Variants in CCT6B observed in about 807,000 individuals in gnomAD.
The protein encoded by CCT6B is probable T-complex protein 1 subunit zeta-2.
A neutral mutation model predicts 61.5 loss-of-function variants in CCT6B; 49 were observed. The observed-to-expected ratio is 0.80, with a 90% CI of 0.63 to 1.01. The LOEUF (loss-of-function observed/expected upper bound fraction) is 1.01. CCT6B is among the 50% of genes least tolerant of loss of function. The pLI, the probability that CCT6B is intolerant of heterozygous loss-of-function variation, is 0.00. For synonymous variants in CCT6B, 228 were observed against 214.5 expected, an observed-to-expected ratio of 1.06 and a Z score of -0.55; for missense variants, 666 against 634.7, an observed-to-expected ratio of 1.05 and a Z score of -0.53.
At chr17:34,934,115 C>T (rs552206539) in intron 10 of CCT6B, among the ~76,000 whole-genome samples, 1 of 135,390 alleles carries the variant, frequency 7.4e-6, no homozygotes, top group Non-Finnish European at 1.5e-5. Flanking sequence ...GGTGACAGAT[C>T]GAGACTCTGT....
At chr17:34,960,703 C>T (rs999150849) in intron 1 of CCT6B, among the ~76,000 whole-genome samples, 2 of 152,182 alleles carry the variant, frequency 1.3e-5, no homozygotes, top group African/African-American at 2.4e-5. Context: ...TGTGTCTCTC[C>T]TCTTATACCC....
intron 5 of CCT6B, among the ~76,000 whole-genome samples, chr17:34,948,220 C>A (rs182427420): frequency 2.0e-5 from 3 of 152,062 alleles, no homozygotes; most frequent in African/African-American, 7.2e-5. Flanking sequence ...CCCCCGGGGT[C>A]CCCAAAGTCC....
intron 3 of CCT6B, among the ~76,000 whole-genome samples, chr17:34,954,847 G>A (rs2090331372): frequency 6.6e-6 from 1 of 152,144 alleles, no homozygotes; most frequent in South Asian, 2.1e-4. Context: ...TGACTACATT[G>A]TTGTTATGTG....
At position 34,929,032 on chromosome 17, in the gene CCT6B, C is replaced by T. The variant is rs571314922; in HGVS notation, c.1453G>A (p.Glu485Lys). The change falls in exon 13 of 14, where the codon GAG becomes AAG. Residue 485 changes from glutamate to lysine, a missense_variant and splice_region_variant. Physicochemically the swap from Glu to Lys is moderately conservative, Grantham distance 56 (BLOSUM62 1). Coordinates refer to ENST00000314144, the MANE Select transcript of CCT6B (RefSeq NM_006584.4). ...CCTGCATCTGCTGCTACCATTGGCT[C>T]ACCTGAAAAGTAAAAACAATTTTCA... ...QLVGVDLNTG[E>K]PMVAADAGVW... 6.2e-6 allele frequency: 10 copies of T among 1,601,770 alleles called. No individual in the cohort carries two copies. The South Asian group carries it at 1.0e-4, about 16-fold the overall frequency.
At position 34,936,903 on chromosome 17, in the gene CCT6B, C is replaced by T. The variant is rs1238313005; in HGVS notation, c.1213+2280G>A. Reference sequence around the variant, plus strand: ...TGTAATGGCTCACACCTGTAATCCACGCACTTTGGGAGGCCAAGGCGGGAG... The same window carrying T: ...TGTAATGGCTCACACCTGTAATCCATGCACTTTGGGAGGCCAAGGCGGGAG... On this transcript the variant is annotated intron_variant, in intron 10 of 13. Coordinates refer to ENST00000314144, the MANE Select transcript of CCT6B (RefSeq NM_006584.4). 2.6e-5 allele frequency among the ~76,000 whole-genome samples: 4 copies of T among 152,008 alleles called. No homozygotes were observed. The South Asian group carries it at 6.2e-4, about 24-fold the overall frequency.
Position 34,931,051 on chromosome 17 carries a change from C to A in CCT6B, c.1348G>T (p.Val450Phe), listed in dbSNP as rs770681410. The change falls in exon 12 of 14, where the codon GTT (valine) becomes TTT (phenylalanine). Residue 450 changes from valine to phenylalanine, a missense_variant and splice_region_variant. By Grantham distance (50) the Val-to-Phe change is conservative (BLOSUM62 -1). Transcript: ENST00000314144. ...FADALLIIPK[V>F]LAQNAGYDPQ... ...TCATAACCAGCATTCTGAGCAAGAA[C>A]CTTTAGGAATAAAAATAATAATATA... The A allele has an allele frequency of 1.1e-5, 16 of 1,400,990 alleles. No individual in the cohort carries two copies. The East Asian group carries it at 2.6e-4, about 23-fold the overall frequency. The allele number at this position is 1,400,990 out of a possible 1,614,324, so 86.8% of individuals were successfully genotyped here.
At chr17:34,947,906 A>G (rs577056942) in intron 5 of CCT6B, among the ~76,000 whole-genome samples, 2 of 151,482 alleles carry the variant, frequency 1.3e-5, no homozygotes, top group South Asian at 4.2e-4. Flanking sequence ...GAACCTGGCA[A>G]GCGGAAGTTG....
At chr17:34,947,009 T>C (rs1045858191) in intron 5 of CCT6B, among the ~76,000 whole-genome samples, 2 of 152,212 alleles carry the variant, frequency 1.3e-5, no homozygotes, top group South Asian at 4.1e-4. Flanking sequence ...ATAGTTGCAT[T>C]TTTCAGTGTG....
intron 5 of CCT6B, among the ~76,000 whole-genome samples, chr17:34,951,379 T>G (rs144843445): frequency 6.6e-6 from 1 of 152,264 alleles, no homozygotes; most frequent in African/African-American, 2.4e-5. Context: ...GGGAAGGGTA[T>G]GCTTCATATG....
chr17:34,948,878 T>A (rs905668295), intron 5 of CCT6B, among the ~76,000 whole-genome samples: 2 of 150,256 alleles, frequency 1.3e-5, no homozygotes, highest in African/African-American at 2.5e-5. Context: ...ACAAAAAAAA[T>A]ATAAAAATTA....
chr17:34,961,311 C>T lies in CCT6B; in HGVS notation c.83G>A (p.Arg28Gln), dbSNP rs770270136. Residue 28 changes from arginine to glutamine, a missense_variant, in exon 1 of 14, where the codon CGA becomes CAA. Physicochemically the swap from Arg to Gln is conservative, Grantham distance 43. Transcript: ENST00000314144. ...AALAVNICAA[R>Q]GLQDVLRTNL... ...GGTCCGCAGCACATCCTGCAGCCCT[C>T]GGGCGGCGCATATATTGACAGCCAA... The T allele has an allele frequency of 6.2e-7, 1 of 1,612,990 alleles. No individual in the cohort carries two copies. Among genetic ancestry groups the T allele is most frequent in the Non-Finnish European group, 8.5e-7 (1 of 1,179,924 alleles).
intron 10 of CCT6B, among the ~76,000 whole-genome samples, chr17:34,936,230 T>G (rs1158673777): frequency 6.6e-6 from 1 of 152,166 alleles, no homozygotes. Flanking sequence ...ATTACAGGTG[T>G]GAGCCACCAC....
At chr17:34,933,965 C>CA (rs758844602) in intron 10 of CCT6B, among the ~76,000 whole-genome samples, 1 of 151,476 alleles carries the variant, frequency 6.6e-6, no homozygotes, top group East Asian at 1.9e-4. Flanking sequence ...CCCATCTCTA[C>CA]AAAAAACACA....
In CCT6B at chr17:34,942,687, AG is replaced by A. The variant is rs767189400; in HGVS notation, c.726-45del. The A allele has an allele frequency of 8.5e-6, 13 of 1,531,604 alleles. No individual in the cohort carries two copies. The East Asian group carries it at 2.9e-4, about 35-fold the overall frequency. 94.9% of individuals were successfully genotyped at this position (1,531,604 alleles called of 1,614,324 possible). ...CCAGCTAGTAAAGGCAGGAGGAAAA[AG>A]GAAAAAAGATAGAAGTAGTCTACAC... is the stretch of plus-strand genomic sequence containing the variant. On this transcript the variant is annotated intron_variant, in intron 6 of 13. Coordinates refer to ENST00000314144, the MANE Select transcript of CCT6B (RefSeq NM_006584.4).
chr17:34,959,489 G>A (rs1462744660), intron 2 of CCT6B, 98 bp downstream of exon 2: 7 of 901,458 alleles, frequency 7.8e-6, no homozygotes, highest in Admixed American at 5.7e-5. Context: ...CAAGACTGCA[G>A]TATTTAGCTC....
chr17:34,946,472 C>T (rs1054833110), intron 5 of CCT6B, among the ~76,000 whole-genome samples: 14 of 152,006 alleles, frequency 9.2e-5, no homozygotes, highest in African/African-American at 3.1e-4. Flanking sequence ...TAAAAGGTAA[C>T]GTGGCAGATT....
At chr17:34,937,887 TTCTC>T (rs200327243) in intron 10 of CCT6B, among the ~76,000 whole-genome samples, 8 of 151,094 alleles carry the variant, frequency 5.3e-5, no homozygotes, top group Non-Finnish European at 7.4e-5. Context: ...TTTTCTTTTC[TTCTC>T]TTTTTTTTTT....
At chr17:34,942,053 A>C (rs2090169713) in intron 7 of CCT6B, among the ~76,000 whole-genome samples, 1 of 152,156 alleles carries the variant, frequency 6.6e-6, no homozygotes, top group Non-Finnish European at 1.5e-5. Context: ...AAGAAAAAAA[A>C]AAAACAGTGC....
In CCT6B at chr17:34,932,528, A is replaced by G. The variant is rs566847617; in HGVS notation, c.1214-28T>C. 5 of 1,576,562 alleles carry G rather than the reference A, an allele frequency of 3.2e-6. No individual in the cohort carries two copies. The African/African-American group carries it at 6.8e-5, about 22-fold the overall frequency. On this transcript the variant is annotated intron_variant, in intron 10 of 13. Transcript: ENST00000314144. ...ATTGGAGAGAAAAAATATGATTGGC[A>G]AGACATGCCATAAAGACCAAAAGAG...
Sources: allele counts gnomAD v4.1 joint callset (sites outside exome capture counted in the v4.1 genomes callset), GRCh38; gene constraint gnomAD v4.1.1; transcripts MANE v1.5; gene names NCBI Gene and HGNC (gene_info 2026-07-23, HGNC 2026-07-21).